R3HDM1: variants seen among roughly 807,000 people sequenced by gnomAD.
The protein encoded by R3HDM1 is R3H domain-containing protein 1.
A neutral mutation model predicts 141.1 loss-of-function variants in R3HDM1; 46 were observed. That is an observed-to-expected ratio of 0.33 (90% CI 0.26 to 0.42). R3HDM1 has a LOEUF of 0.42. R3HDM1 is among the 10% of genes least tolerant of loss of function. The pLI is 1.00. For synonymous variants in R3HDM1, 435 were observed against 472.9 expected (o/e 0.92, Z 1.04); for missense variants, 1,184 against 1,368.3 (o/e 0.87, Z 2.12).
chr2:135,606,324 A>G (rs1439510538), intron 3 of R3HDM1: 1 of 152,260 alleles, frequency 6.6e-6, no homozygotes, highest in East Asian at 1.9e-4. Context: ...TTCTTTTGAC[A>G]TAGGCCCAGA....
chr2:135,685,899 G>A (rs543818990), intron 21 of R3HDM1, among the ~76,000 whole-genome samples: 28 of 152,176 alleles, frequency 1.8e-4, no homozygotes, highest in Admixed American at 1.2e-3. Context: ...CTGGTGGAAG[G>A]AATTACATGT....
Position 135,636,075 on chromosome 2 carries a change from CT to C in R3HDM1, c.808-12del. ...GTAGTTCATTTGCCTAAAAATTATCCTCTTTTCTGTAGATGAGAATACGTTT... is the reference window on the plus strand; with the variant it reads ...GTAGTTCATTTGCCTAAAAATTATCCCTTTTCTGTAGATGAGAATACGTTT... On this transcript the variant is annotated splice_polypyrimidine_tract_variant and intron_variant, in intron 10 of 26. Coordinates refer to ENST00000683871, the MANE Select transcript of R3HDM1 (RefSeq NM_001378107.1). 1 of 1,611,260 alleles carries C rather than the reference CT, an allele frequency of 6.2e-7. No individual in the cohort carries two copies. The highest frequency in any genetic ancestry group is 8.5e-7 in the Non-Finnish European group (1 of 1,178,916).
chr2:135,623,034 G>A (rs911925565), intron 7 of R3HDM1: 11 of 980,752 alleles, frequency 1.1e-5, no homozygotes, highest in Non-Finnish European at 1.3e-5. Flanking sequence ...AGAAAAATAG[G>A]TATCTCACCA....
chr2:135,699,691 C>T (rs933247445), intron 21 of R3HDM1, among the ~76,000 whole-genome samples: 16 of 152,138 alleles, frequency 1.1e-4, no homozygotes, highest in African/African-American at 3.9e-4. Context: ...GACTAATATT[C>T]AAAGGAAAGA....
chr2:135,626,202 TGCGTGCG>T (rs2062013294), intron 7 of R3HDM1, among the ~76,000 whole-genome samples: 6 of 150,744 alleles, frequency 4.0e-5, no homozygotes, highest in African/African-American at 1.2e-4. Context: ...CGTGCGTGCG[TGCGTGCG>T]TGCTTGCTTG....
intron 18 of R3HDM1, among the ~76,000 whole-genome samples, chr2:135,654,902 GTT>G (rs1559356780): frequency 6.8e-6 from 1 of 146,144 alleles, no homozygotes; most frequent in African/African-American, 2.6e-5. Context: ...GTGTGTGTGT[GTT>G]TGTCTTTTTG....
At position 135,576,755 on chromosome 2, in the gene R3HDM1, G is replaced by A. The variant is rs1303508460; in HGVS notation, c.-249-25745G>A. Among the ~76,000 whole-genome samples, 3 of 152,124 alleles carry A rather than the reference G, an allele frequency of 2.0e-5. No individual in the cohort carries two copies. The East Asian group carries it at 5.8e-4, about 29-fold the overall frequency. ...AAGTGAAATAAAGCAGTCACAAAAGGCCACAGGTTGTATGATTTCATTTAT... is the reference window on the plus strand; with the variant it reads ...AAGTGAAATAAAGCAGTCACAAAAGACCACAGGTTGTATGATTTCATTTAT... On this transcript the variant is annotated intron_variant, in intron 1 of 26. Transcript: ENST00000683871.
chr2:135,717,092 TC>T (rs2076237265), intron 24 of R3HDM1, among the ~76,000 whole-genome samples: 1 of 152,148 alleles, frequency 6.6e-6, no homozygotes, highest in Non-Finnish European at 1.5e-5. Flanking sequence ...ATATTTAACA[TC>T]AGTCATTATA....
chr2:135,569,843 C>T (rs1010554279), intron 1 of R3HDM1, among the ~76,000 whole-genome samples: 1 of 151,800 alleles, frequency 6.6e-6, no homozygotes, highest in South Asian at 2.1e-4. Flanking sequence ...TCTCCTGCCT[C>T]AGCCTCCCGA....
intron 1 of R3HDM1, among the ~76,000 whole-genome samples, chr2:135,580,076 T>G (rs2105025898): frequency 6.6e-6 from 1 of 152,098 alleles, no homozygotes; most frequent in Admixed American, 6.5e-5. Flanking sequence ...CTGGGCAATA[T>G]GGCAAAAACC....
chr2:135,724,310 T>G lies in R3HDM1; in HGVS notation c.*18T>G. 6.5e-7 allele frequency: 1 copy of G among 1,546,188 alleles called. No individual in the cohort carries two copies. The highest frequency in any genetic ancestry group is 1.4e-5 in the African/African-American group (1 of 73,182). ...CTCAGTAACAGCCACCTTTGGACCC[T>G]TCGCCTTTATGGTTCCCCTGCCCTC... On this transcript the variant is annotated 3_prime_UTR_variant, in exon 27 of 27. Transcript: ENST00000683871.
At chr2:135,675,604 C>CA in intron 20 of R3HDM1, 118 bp downstream of exon 20, 2 of 1,071,536 alleles carry the variant, frequency 1.9e-6, no homozygotes, top group Admixed American at 5.4e-5. Context: ...CTGTAATATA[C>CA]AACCTTTTAA....
At chr2:135,658,972 G>A (rs953323375) in intron 18 of R3HDM1, among the ~76,000 whole-genome samples, 1 of 151,308 alleles carries the variant, frequency 6.6e-6, no homozygotes, top group South Asian at 2.1e-4. Context: ...TGGAGCTGTC[G>A]TCTCCTATGT....
intron 18 of R3HDM1, among the ~76,000 whole-genome samples, chr2:135,653,780 T>G (rs1000711421): frequency 6.6e-6 from 1 of 152,120 alleles, no homozygotes; most frequent in Non-Finnish European, 1.5e-5. Context: ...ATACAAAAAT[T>G]AGCTGGGTGT....
At chr2:135,574,861 TTATATATAA>T (rs1705016143) in intron 1 of R3HDM1, among the ~76,000 whole-genome samples, 1 of 152,166 alleles carries the variant, frequency 6.6e-6, no homozygotes, top group Non-Finnish European at 1.5e-5. Flanking sequence ...GCCAGGAATC[TTATATATAA>T]TGGGAAATAC....
At chr2:135,643,018 A>G (rs2063969657) in intron 15 of R3HDM1, among the ~76,000 whole-genome samples, 1 of 152,184 alleles carries the variant, frequency 6.6e-6, no homozygotes, top group Admixed American at 6.5e-5. Flanking sequence ...AAAACATAAT[A>G]TGGTTTTGGT....
chr2:135,604,781 A>T, intron 2 of R3HDM1, 25 bp from the exon 3 acceptor site: 1 of 1,540,148 alleles, frequency 6.5e-7, no homozygotes, highest in Admixed American at 1.7e-5. Flanking sequence ...AAAGTTTCAA[A>T]CTGTATTAAT....
intron 19 of R3HDM1, chr2:135,670,350 T>G (rs2068154615): frequency 1.0e-6 from 1 of 983,764 alleles, no homozygotes; most frequent in Admixed American, 6.2e-5. Flanking sequence ...TTTTTTGTCC[T>G]TTTAGCTACT....
intron 1 of R3HDM1, chr2:135,596,967 G>A (rs2059246395): frequency 1.1e-6 from 1 of 938,164 alleles, no homozygotes; most frequent in Non-Finnish European, 1.3e-6. Context: ...TCATTTGATA[G>A]CACAAATTGT....
Sources: allele counts gnomAD v4.1 joint callset (sites outside exome capture counted in the v4.1 genomes callset), GRCh38; gene constraint gnomAD v4.1.1; transcripts MANE v1.5; gene names NCBI Gene and HGNC (gene_info 2026-07-23, HGNC 2026-07-21).